Variants in MRPS35 observed in about 807,000 individuals in gnomAD.
The protein encoded by MRPS35 is small ribosomal subunit protein mS35.
Under a neutral mutation model 32.7 loss-of-function variants are expected in MRPS35, and 29 were observed. The observed-to-expected ratio is 0.89, with a 90% CI of 0.66 to 1.21. The LOEUF is 1.21. MRPS35 is among the 50% of genes most tolerant of loss of function. MRPS35 has a pLI of 0.00. For missense variants in MRPS35, 373 were observed against 383.8 expected (o/e 0.97, Z 0.23); for synonymous variants, 148 against 139.3 (o/e 1.06, Z -0.44).
intron 7 of MRPS35, among the ~76,000 whole-genome samples, 197 bp downstream of exon 7, chr12:27,737,805 C>T (rs941014530): frequency 6.6e-6 from 1 of 152,164 alleles, no homozygotes; most frequent in South Asian, 2.1e-4. Flanking sequence ...CAGTTCATCT[C>T]AGGACCTTGC....
At chr12:27,751,352 C>G (rs1226217939) in intron 7 of MRPS35, among the ~76,000 whole-genome samples, 1 of 152,088 alleles carries the variant, frequency 6.6e-6, no homozygotes, top group East Asian at 1.9e-4. Flanking sequence ...ATCCCGGGGT[C>G]TGGGTCCAGC....
chr12:27,716,884 G>C (rs1566047023), intron 3 of MRPS35, among the ~76,000 whole-genome samples: 1 of 152,104 alleles, frequency 6.6e-6, no homozygotes, highest in Non-Finnish European at 1.5e-5. Context: ...CCAGCTACTT[G>C]GGAGGCTGAG....
chr12:27,741,158 ACT>A (rs1361985159), intron 7 of MRPS35, among the ~76,000 whole-genome samples: 1 of 151,772 alleles, frequency 6.6e-6, no homozygotes, highest in Non-Finnish European at 1.5e-5. Flanking sequence ...ACAGAGTGAG[ACT>A]CTGTCTCAAA....
At chr12:27,726,267 G>T (rs987271524) in intron 5 of MRPS35, among the ~76,000 whole-genome samples, 2 of 151,992 alleles carry the variant, frequency 1.3e-5, no homozygotes, top group African/African-American at 4.8e-5. Flanking sequence ...CATGCAATAT[G>T]TTTTCTTTCA....
In MRPS35 at chr12:27,755,392, A is replaced by G; in HGVS notation, c.914A>G (p.Asn305Ser). Residue 305 changes from asparagine (N) to serine (S), a missense_variant, in exon 8 of 8, where the codon AAT (asparagine) becomes AGT (serine). Asn to Ser is a conservative substitution (Grantham distance 46). Coordinates refer to ENST00000081029, the MANE Select transcript of MRPS35 (RefSeq NM_021821.4). ...GTTAGTCTTAAAAATGAGGAGGAAA[A>G]TGAAAATTCCATTTCTCAGTACAAA... ...SVVSLKNEEE[N>S]ENSISQYKES... 1 of 1,599,928 alleles carries G rather than the reference A, an allele frequency of 6.3e-7. No homozygotes were observed. The highest frequency in any genetic ancestry group is 8.5e-7 in the Non-Finnish European group (1 of 1,176,858).
At chr12:27,739,983 CTTGAAGAA>C (rs2061957683) in intron 7 of MRPS35, among the ~76,000 whole-genome samples, 1 of 152,198 alleles carries the variant, frequency 6.6e-6, no homozygotes, top group Non-Finnish European at 1.5e-5. Flanking sequence ...AACAAGTATA[CTTGAAGAA>C]TTCTATATTA....
intron 4 of MRPS35, 25 bp from the exon 5 acceptor site, chr12:27,724,022 T>G (rs1038613397): frequency 6.2e-7 from 1 of 1,606,018 alleles, no homozygotes; most frequent in South Asian, 1.1e-5. Flanking sequence ...AAAAGTGTAA[T>G]TGAAATTATT....
At chr12:27,738,828 G>A (rs974183199) in intron 7 of MRPS35, among the ~76,000 whole-genome samples, 3 of 151,526 alleles carry the variant, frequency 2.0e-5, no homozygotes, top group Non-Finnish European at 4.4e-5. Context: ...ATGGAAGAGG[G>A]CTTACATTTG....
chr12:27,745,012 G>C (rs1250594869), intron 7 of MRPS35, among the ~76,000 whole-genome samples: 1 of 152,148 alleles, frequency 6.6e-6, no homozygotes, highest in Non-Finnish European at 1.5e-5. Flanking sequence ...CTGGAGTGCA[G>C]TGGCGTGATC....
rs73298154 is a variant in MRPS35, at chr12:27,730,713, C to T, written c.523-4734C>T. Among the ~76,000 whole-genome samples the T allele has an allele frequency of 5.9e-3, 899 of 152,250 alleles. 13 individuals are homozygous for T. Among genetic ancestry groups the T allele is most frequent in the African/African-American group, 0.019 (806 of 41,550 alleles). ...CTGGAACTCCTGGGCTCAAGTGATA[C>T]TCTCACCTCAGCCTCCTAAAGTGCT... On this transcript the variant is annotated intron_variant, in intron 5 of 7. Coordinates refer to ENST00000081029, the MANE Select transcript of MRPS35 (RefSeq NM_021821.4).
chr12:27,745,543 G>T (rs1173917959), intron 7 of MRPS35, among the ~76,000 whole-genome samples: 1 of 151,724 alleles, frequency 6.6e-6, no homozygotes, highest in Non-Finnish European at 1.5e-5. Context: ...TTCAGCTGGG[G>T]GTTGTATCAG....
At chr12:27,728,336 A>G (rs1249906770) in intron 5 of MRPS35, among the ~76,000 whole-genome samples, 1 of 152,122 alleles carries the variant, frequency 6.6e-6, no homozygotes, top group Non-Finnish European at 1.5e-5. Flanking sequence ...GGCTAATATA[A>G]TAAATACCCA....
intron 3 of MRPS35, among the ~76,000 whole-genome samples, chr12:27,717,672 C>T (rs776388025): frequency 5.3e-5 from 8 of 152,148 alleles, no homozygotes; most frequent in Non-Finnish European, 8.8e-5. Context: ...TCAAGGAAAA[C>T]AAATGTTTTC....
At chr12:27,750,566 G>A (rs186458650) in intron 7 of MRPS35, among the ~76,000 whole-genome samples, 5 of 152,252 alleles carry the variant, frequency 3.3e-5, no homozygotes, top group Non-Finnish European at 5.9e-5. Context: ...ATTTTGGGAG[G>A]CCAAGGCAGG....
intron 4 of MRPS35, among the ~76,000 whole-genome samples, chr12:27,722,190 A>G (rs1271088074): frequency 5.3e-5 from 8 of 152,318 alleles, no homozygotes; most frequent in East Asian, 3.9e-4. Flanking sequence ...CGTCTTCCGT[A>G]TAACTCAAAG....
At chr12:27,750,666 A>T (rs1490392304) in intron 7 of MRPS35, among the ~76,000 whole-genome samples, 1 of 152,118 alleles carries the variant, frequency 6.6e-6, no homozygotes, top group African/African-American at 2.4e-5. Flanking sequence ...TTAGCAGGGC[A>T]TGGTGGTACT....
At chr12:27,746,252 A>C (rs898165903) in intron 7 of MRPS35, among the ~76,000 whole-genome samples, 1 of 152,172 alleles carries the variant, frequency 6.6e-6, no homozygotes, top group Non-Finnish European at 1.5e-5. Flanking sequence ...TTTTTAAGAC[A>C]GTTTTTGTAC....
At chr12:27,713,212 G>A (rs1397765229) in intron 1 of MRPS35, among the ~76,000 whole-genome samples, 1 of 152,180 alleles carries the variant, frequency 6.6e-6, no homozygotes, top group East Asian at 1.9e-4. Context: ...GCTACGTCCT[G>A]CTCATCTTTC....
At position 27,716,406 on chromosome 12, in the gene MRPS35, C is replaced by T. The variant is rs909811680; in HGVS notation, c.269C>T (p.Pro90Leu). 1.2e-6 allele frequency: 2 copies of T among 1,613,928 alleles called. No individual in the cohort carries two copies. Among genetic ancestry groups the T allele is most frequent in the Non-Finnish European group, 1.7e-6 (2 of 1,180,024 alleles). The change falls in exon 3 of 8, where the codon CCA (proline) becomes CTA (leucine). Residue 90 changes from proline to leucine, a missense_variant. Pro to Leu is a moderately conservative substitution (Grantham distance 98, BLOSUM62 -3). Transcript: ENST00000081029. ...AVPLPVRMGY[P>L]VKKGVPMAKE... is the part of the protein sequence containing the mutation. ...CCTCTTCCTGTTCGAATGGGTTATC[C>T]AGTAAAAAAGGGCGTGCCCATGGCA...
Sources: allele counts gnomAD v4.1 joint callset (sites outside exome capture counted in the v4.1 genomes callset), GRCh38; gene constraint gnomAD v4.1.1; transcripts MANE v1.5; gene names NCBI Gene and HGNC (gene_info 2026-07-23, HGNC 2026-07-21).